Variants in WDPCP observed in about 807,000 individuals in gnomAD.
The protein encoded by WDPCP is WD repeat-containing and planar cell polarity effector protein fritz homolog.
A neutral mutation model predicts 93.1 loss-of-function variants in WDPCP; 71 were observed. The ratio of observed to expected loss-of-function variants is 0.76; its 90% CI spans 0.63 to 0.93. WDPCP has a LOEUF of 0.93. WDPCP is among the 40% of genes least tolerant of loss of function. WDPCP has a pLI of 0.00. For synonymous variants in WDPCP, 315 were observed against 315.0 expected (o/e 1.00, Z 0.00); for missense variants, 844 against 887.4 (o/e 0.95, Z 0.62).
intron 6 of WDPCP, among the ~76,000 whole-genome samples, chr2:63,463,185 C>G (rs1054108754): frequency 2.6e-4 from 39 of 151,546 alleles, no homozygotes; most frequent in Admixed American, 2.6e-3. Context: ...AAGGGGTACT[C>G]AGTAATGTTA....
chr2:63,397,564 A>T (rs747596369), intron 10 of WDPCP, among the ~76,000 whole-genome samples: 1 of 152,150 alleles, frequency 6.6e-6, no homozygotes, highest in Non-Finnish European at 1.5e-5. Flanking sequence ...TGGCCCCAAC[A>T]TTTTCATGAG....
intron 2 of WDPCP, among the ~76,000 whole-genome samples, chr2:63,768,743 T>TA (rs998375836): frequency 1.3e-5 from 2 of 152,004 alleles, no homozygotes; most frequent in Non-Finnish European, 2.9e-5. Flanking sequence ...ACACTGAGCT[T>TA]AGAGAAAAAC....
intron 17 of WDPCP, among the ~76,000 whole-genome samples, chr2:63,123,873 GTA>G (rs1345181310): frequency 4.1e-5 from 6 of 145,840 alleles, no homozygotes; most frequent in African/African-American, 5.0e-5. Context: ...ATTATATTGT[GTA>G]TATATATATA....
chr2:63,517,429 T>C (rs145607565), intron 1 of WDPCP, among the ~76,000 whole-genome samples: 115 of 152,204 alleles, frequency 7.6e-4, no homozygotes, highest in Non-Finnish European at 1.4e-3. Flanking sequence ...AAAAGACAAA[T>C]TGGGGTGAAA....
chr2:63,215,707 A>G (rs1677267892), intron 14 of WDPCP, among the ~76,000 whole-genome samples: 1 of 152,226 alleles, frequency 6.6e-6, no homozygotes, highest in African/African-American at 2.4e-5. Flanking sequence ...AAAATTGACA[A>G]ATGGGATCTA....
chr2:63,768,961 A>T (rs1249743307), intron 2 of WDPCP, among the ~76,000 whole-genome samples: 1 of 152,032 alleles, frequency 6.6e-6, no homozygotes, highest in Non-Finnish European at 1.5e-5. Flanking sequence ...TTCACTAAAC[A>T]TTCACCAGCT....
At chr2:63,469,377 A>G (rs1400564286) in intron 6 of WDPCP, among the ~76,000 whole-genome samples, 1 of 152,258 alleles carries the variant, frequency 6.6e-6, no homozygotes, top group Admixed American at 6.5e-5. Context: ...AAATAGTTCT[A>G]TCATAAAGAC....
chr2:63,611,327 C>A (rs563075474), intron 3 of WDPCP, among the ~76,000 whole-genome samples: 13 of 152,116 alleles, frequency 8.5e-5, no homozygotes, highest in Admixed American at 4.6e-4. Context: ...TCCTAAAACA[C>A]AGCAGATTTT....
intron 1 of WDPCP, among the ~76,000 whole-genome samples, chr2:63,568,863 T>C (rs1311470440): frequency 6.6e-6 from 1 of 152,218 alleles, no homozygotes; most frequent in African/African-American, 2.4e-5. Context: ...TTAGGCTAAA[T>C]TGTGAGAGCT....
chr2:63,197,173 A>G (rs1675502074), intron 14 of WDPCP, among the ~76,000 whole-genome samples: 1 of 151,656 alleles, frequency 6.6e-6, no homozygotes, highest in African/African-American at 2.4e-5. Context: ...TTCTCAGCCT[A>G]CTCAACACAA....
At chr2:63,564,576 C>T (rs1205629868) in intron 1 of WDPCP, 2 of 152,088 alleles carry the variant, frequency 1.3e-5, no homozygotes, top group African/African-American at 4.8e-5. Context: ...GTTCGGCTAA[C>T]CAGATAGCAC....
At chr2:63,717,577 TG>T in intron 2 of WDPCP, 1 of 522,794 alleles carries the variant, frequency 1.9e-6, no homozygotes, top group Non-Finnish European at 3.9e-6. Flanking sequence ...GACTGATTCA[TG>T]GTATACCTGT....
intron 1 of WDPCP, among the ~76,000 whole-genome samples, chr2:63,496,726 T>TA (rs746464062): frequency 6.6e-6 from 1 of 152,180 alleles, no homozygotes; most frequent in Non-Finnish European, 1.5e-5. Context: ...AGTTTCCCAT[T>TA]AAAAAGCACA....
intron 17 of WDPCP, among the ~76,000 whole-genome samples, chr2:63,128,964 G>C (rs187713328): frequency 6.6e-6 from 1 of 152,142 alleles, no homozygotes; most frequent in South Asian, 2.1e-4. Context: ...CACTGTGCAC[G>C]GTGTTCTACT....
At position 63,622,065 on chromosome 2, in the gene WDPCP, TC is replaced by T. The variant is rs1390498408; in HGVS notation, n.488+28593del. ...TCACCCCTCAACATTCTTTCTTTTT[TC>T]TTTTTTTTTTTTTTTTTTGGAAGTT... On this transcript the variant is annotated intron_variant and non_coding_transcript_variant, in intron 3 of 4. Transcript: ENST00000467687. The T allele has an allele frequency of 1.6e-4, 153 of 949,804 alleles. No individual in the cohort carries two copies. The African/African-American group carries it at 3.5e-3, about 22-fold the overall frequency. The allele number at this position is 949,804 out of a possible 1,614,324, so 58.8% of individuals were successfully genotyped here.
At chr2:63,181,597 C>T (rs965346578) in intron 14 of WDPCP, among the ~76,000 whole-genome samples, 3 of 152,000 alleles carry the variant, frequency 2.0e-5, no homozygotes, top group Non-Finnish European at 2.9e-5. Flanking sequence ...TTACTGTAAC[C>T]TCATAGTATA....
chr2:63,472,355 T>A (rs1426080800), intron 6 of WDPCP, among the ~76,000 whole-genome samples: 1 of 151,956 alleles, frequency 6.6e-6, no homozygotes, highest in Non-Finnish European at 1.5e-5. Context: ...TTATTATTTC[T>A]TTTATTCTTC....
intron 9 of WDPCP, among the ~76,000 whole-genome samples, chr2:63,418,960 G>A (rs995481150): frequency 6.6e-6 from 1 of 152,146 alleles, no homozygotes; most frequent in Non-Finnish European, 1.5e-5. Flanking sequence ...AGCGTCCAGT[G>A]TTTTGTTTTT....
At chr2:63,825,998 A>G (rs536622718) in intron 1 of WDPCP, among the ~76,000 whole-genome samples, 1 of 152,042 alleles carries the variant, frequency 6.6e-6, no homozygotes, top group Non-Finnish European at 1.5e-5. Flanking sequence ...ATCTTTTTTT[A>G]AAAAAATTAA....
Sources: allele counts gnomAD v4.1 joint callset (sites outside exome capture counted in the v4.1 genomes callset), GRCh38; gene constraint gnomAD v4.1.1; transcripts MANE v1.5; gene names NCBI Gene and HGNC (gene_info 2026-07-23, HGNC 2026-07-21).